Variants in CREB5 observed in about 807,000 individuals in gnomAD.
CREB5 encodes the protein cyclic AMP-responsive element-binding protein 5.
CREB5 carries 19 observed loss-of-function variants against 57.1 expected under a neutral mutation model. The ratio of observed to expected loss-of-function variants is 0.33; its 90% CI spans 0.23 to 0.49. CREB5 has a LOEUF of 0.49. Ranked by LOEUF, CREB5 falls within the 20% of genes least tolerant of loss-of-function variation. The probability of loss-of-function intolerance (pLI) is 0.99; values close to 1 mark genes in which losing one functional copy is unlikely to be tolerated. For missense variants in CREB5, 579 were observed against 671.6 expected, an observed-to-expected ratio of 0.86 and a Z score of 1.52; for synonymous variants, 238 against 238.3, an observed-to-expected ratio of 1.00 and a Z score of 0.01.
At chr7:28,415,174 A>G (rs151047187) in intron 1 of CREB5, among the ~76,000 whole-genome samples, 4 of 152,122 alleles carry the variant, frequency 2.6e-5, no homozygotes, top group Non-Finnish European at 5.9e-5. Flanking sequence ...ACTAGAACTG[A>G]TTTTAGAGGG....
rs76849395 is a variant in CREB5 at position 28,485,868 on chromosome 7, G to A, written c.4-2307G>A. 3.9e-3 allele frequency among the ~76,000 whole-genome samples: 601 copies of A among 152,232 alleles called. 8 individuals are homozygous for A. The highest frequency in any genetic ancestry group is 0.014 in the Middle Eastern group (4 of 294). ...TTTGAGACTTAGTAGTACCTTCTCA[G>A]TATTCACAGTGGGGAAGAGAGATGC... On this transcript the variant is annotated intron_variant, in intron 1 of 10. Transcript: ENST00000357727.
At chr7:28,686,554 G>C (rs1800931630) in intron 5 of CREB5, among the ~76,000 whole-genome samples, 1 of 151,992 alleles carries the variant, frequency 6.6e-6, no homozygotes, top group Non-Finnish European at 1.5e-5. Flanking sequence ...AAGCGAGAAA[G>C]AGCAAACTCG....
At chr7:28,410,928 C>T (rs1787763407), upstream of CREB5, among the ~76,000 whole-genome samples, 1 of 152,116 alleles carries the variant, frequency 6.6e-6, no homozygotes, top group African/African-American at 2.4e-5. Context: ...CCAGCCCCTC[C>T]CTCTCCACCA....
At chr7:28,810,378 C>A (rs1809040585) in intron 9 of CREB5, among the ~76,000 whole-genome samples, 1 of 152,054 alleles carries the variant, frequency 6.6e-6, no homozygotes, top group Admixed American at 6.6e-5. Flanking sequence ...CATAGTGAGA[C>A]TGCATTTTAA....
chr7:28,562,529 A>G (rs964339014), intron 4 of CREB5, among the ~76,000 whole-genome samples: 1 of 152,202 alleles, frequency 6.6e-6, no homozygotes, highest in Non-Finnish European at 1.5e-5. Context: ...CCTCAAGTCT[A>G]GAACCTCACT....
chr7:28,824,707 C>T lies in CREB5; in HGVS notation c.*5428C>T, dbSNP rs950063896. 2.0e-5 allele frequency: 3 copies of T among 152,566 alleles called. No homozygotes were observed. Among genetic ancestry groups the T allele is most frequent in the Middle Eastern group, 3.2e-3 (1 of 316 alleles). The allele number at this position is 152,566 out of a possible 1,614,324, so 9.5% of individuals were successfully genotyped here. A position where few individuals can be genotyped will look rare whatever the true frequency, so the allele number is the denominator to read the frequency against. On this transcript the variant is annotated 3_prime_UTR_variant, in exon 11 of 11. Coordinates refer to ENST00000357727, the MANE Select transcript of CREB5 (RefSeq NM_182898.4). ...TGTGGAGTTTTTCAGTGATGTAATG[C>T]TTGTAGCCAAATTGCTTAAAGAGTG...
chr7:28,369,463 T>C (rs1227872052), intron 1 of CREB5, among the ~76,000 whole-genome samples: 1 of 147,182 alleles, frequency 6.8e-6, no homozygotes, highest in Non-Finnish European at 1.5e-5. Flanking sequence ...TCTACGGACA[T>C]TGTGGGCAAG....
At chr7:28,771,603 A>T (rs1035434899) in intron 7 of CREB5, among the ~76,000 whole-genome samples, 1 of 152,044 alleles carries the variant, frequency 6.6e-6, no homozygotes, top group Non-Finnish European at 1.5e-5. Context: ...TCATGTCATG[A>T]TCTCTCTGTG....
chr7:28,399,280 GA>G (rs5883127), intron 1 of CREB5, among the ~76,000 whole-genome samples: 63,965 of 148,492 alleles, frequency 0.43, 14,159 homozygotes, highest in African/African-American at 0.56. Flanking sequence ...AGACAAATTG[GA>G]AAAAAAAAAA....
chr7:28,686,052 A>G, intron 5 of CREB5: 3 of 1,406,410 alleles, frequency 2.1e-6, no homozygotes, highest in Non-Finnish European at 3.0e-6. Flanking sequence ...CCAGCACATT[A>G]CATCATCGCT....
intron 1 of CREB5, among the ~76,000 whole-genome samples, chr7:28,348,394 TCTGTCTCTCTCTCTCA>T (rs1247373596): frequency 2.6e-5 from 3 of 113,802 alleles, no homozygotes; most frequent in South Asian, 2.9e-4. Flanking sequence ...TCTCTCTCTC[TCTGTCTCTCTCTCTCA>T]CACACACACA....
intron 1 of CREB5, among the ~76,000 whole-genome samples, chr7:28,355,981 G>A (rs192203338): frequency 6.6e-6 from 1 of 152,196 alleles, no homozygotes; most frequent in East Asian, 1.9e-4. Flanking sequence ...GACAGCTGTG[G>A]CAGGTATAAA....
intron 1 of CREB5, among the ~76,000 whole-genome samples, chr7:28,381,308 AAC>A (rs1026368822): frequency 1.3e-5 from 2 of 152,234 alleles, no homozygotes; most frequent in Non-Finnish European, 2.9e-5. Flanking sequence ...CCTTCCTCAT[AAC>A]AGGAAGTTTG....
At chr7:28,801,357 C>T (rs1279208640) in intron 7 of CREB5, among the ~76,000 whole-genome samples, 1 of 152,132 alleles carries the variant, frequency 6.6e-6, no homozygotes, top group Non-Finnish European at 1.5e-5. Context: ...AAAGTCCATA[C>T]TTTCCATCAT....
chr7:28,754,124 G>A (rs559217852), intron 7 of CREB5, among the ~76,000 whole-genome samples: 1 of 152,222 alleles, frequency 6.6e-6, no homozygotes, highest in African/African-American at 2.4e-5. Flanking sequence ...CACTCCATCT[G>A]CATGAATAGT....
intron 4 of CREB5, among the ~76,000 whole-genome samples, chr7:28,553,576 T>C (rs1399885010): frequency 1.3e-5 from 2 of 152,196 alleles, no homozygotes; most frequent in Non-Finnish European, 2.9e-5. Context: ...TATGAAACCA[T>C]AGAGGCAGTC....
At chr7:28,338,199 T>C (rs1785864165) in intron 1 of CREB5, among the ~76,000 whole-genome samples, 1 of 152,216 alleles carries the variant, frequency 6.6e-6, no homozygotes, top group African/African-American at 2.4e-5. Flanking sequence ...TCTGCATACT[T>C]ACTATTGCCG....
intron 7 of CREB5, among the ~76,000 whole-genome samples, chr7:28,753,782 C>T (rs1176784770): frequency 6.6e-6 from 1 of 151,894 alleles, no homozygotes; most frequent in Non-Finnish European, 1.5e-5. Context: ...AGATGATGTG[C>T]ATTTGGAGAA....
chr7:28,606,113 G>A (rs1049032301), intron 5 of CREB5, among the ~76,000 whole-genome samples: 6 of 152,020 alleles, frequency 3.9e-5, no homozygotes, highest in African/African-American at 9.7e-5. Flanking sequence ...CTTTGATCTT[G>A]CCCTCAATAC....
Sources: gnomAD v4.1 joint callset for allele counts (sites outside exome capture counted in the v4.1 genomes callset) on GRCh38, gnomAD v4.1.1 for gene constraint, MANE v1.5 for transcripts, NCBI Gene and HGNC (gene_info 2026-07-23, HGNC 2026-07-21) for gene names.